GRID2: variants seen among roughly 807,000 people sequenced by gnomAD.
GRID2 encodes the protein glutamate ionotropic receptor delta type subunit 2, also known as glutamate receptor ionotropic, delta-2.
GRID2 carries 33 observed loss-of-function variants against 114.8 expected under a neutral mutation model. The observed-to-expected ratio is 0.29, with a 90% confidence interval of 0.22 to 0.38. The LOEUF (loss-of-function observed/expected upper bound fraction) is 0.38. Ranked by LOEUF, GRID2 falls within the 10% of genes least tolerant of loss-of-function variation. GRID2 has a pLI of 1.00. For synonymous variants in GRID2, 505 were observed against 449.9 expected, an observed-to-expected ratio of 1.12 and a Z score of -1.55; for missense variants, 1,184 against 1,257.7, an observed-to-expected ratio of 0.94 and a Z score of 0.89.
intron 2 of GRID2, among the ~76,000 whole-genome samples, chr4:93,051,895 C>T (rs1196588178): frequency 6.6e-6 from 1 of 151,486 alleles, no homozygotes; most frequent in East Asian, 1.9e-4. Context: ...TTTTCTATCT[C>T]ATTATTTTGT....
At chr4:92,776,577 TA>T (rs1738808189) in intron 2 of GRID2, among the ~76,000 whole-genome samples, 1 of 151,962 alleles carries the variant, frequency 6.6e-6, no homozygotes, top group Admixed American at 6.6e-5. Context: ...TCAATTAGAT[TA>T]TTTTTTGACT....
chr4:92,500,866 A>G (rs1417465077), intron 1 of GRID2, among the ~76,000 whole-genome samples: 1 of 152,106 alleles, frequency 6.6e-6, no homozygotes, highest in African/African-American at 2.4e-5. Context: ...TTAAGTGAGT[A>G]TTGCATTTAA....
intron 1 of GRID2, among the ~76,000 whole-genome samples, chr4:92,333,699 T>C (rs760400636): frequency 6.6e-6 from 1 of 152,194 alleles, no homozygotes; most frequent in African/African-American, 2.4e-5. Flanking sequence ...GTATTTTGTT[T>C]AGAAGTTTAT....
intron 14 of GRID2, among the ~76,000 whole-genome samples, chr4:93,722,347 A>C (rs942103815): frequency 6.6e-6 from 1 of 152,200 alleles, no homozygotes; most frequent in Non-Finnish European, 1.5e-5. Flanking sequence ...GAATCAAGGA[A>C]ATTATTCAGA....
At chr4:92,488,783 C>T (rs904229651) in intron 1 of GRID2, among the ~76,000 whole-genome samples, 4 of 152,086 alleles carry the variant, frequency 2.6e-5, no homozygotes, top group Non-Finnish European at 5.9e-5. Flanking sequence ...GTCTGATAAT[C>T]CTGGGGAAAG....
At chr4:92,977,191 A>T (rs778069608) in intron 2 of GRID2, among the ~76,000 whole-genome samples, 7 of 152,182 alleles carry the variant, frequency 4.6e-5, no homozygotes, top group Non-Finnish European at 1.0e-4. Flanking sequence ...GAAGCTAACA[A>T]GGTAATTTGT....
intron 2 of GRID2, among the ~76,000 whole-genome samples, chr4:92,898,083 A>G (rs1173951469): frequency 2.0e-5 from 3 of 152,154 alleles, no homozygotes; most frequent in Non-Finnish European, 4.4e-5. Context: ...ACAAGTTCAA[A>G]CCCACACAAT....
In GRID2 at chr4:92,744,563, C is replaced by A. The variant is rs1374386221; in HGVS notation, c.244+154277C>A. ...TGTGACTCCATCATAAACCTTACTC[C>A]AACTCTTTTCAACCTCCTCCACTAC... On this transcript the variant is annotated intron_variant, in intron 2 of 15. Transcript: ENST00000282020. Among the ~76,000 whole-genome samples, 5 of 151,830 alleles carry A rather than the reference C, an allele frequency of 3.3e-5. No homozygotes were observed. In the East Asian group the frequency reaches 9.7e-4, roughly 29 times the overall value.
intron 2 of GRID2, among the ~76,000 whole-genome samples, chr4:92,917,810 T>C (rs906021635): frequency 1.3e-5 from 2 of 152,174 alleles, no homozygotes; most frequent in Admixed American, 6.5e-5. Flanking sequence ...TTCTTTTGGC[T>C]TAGGATTGAC....
chr4:92,720,190 A>G (rs959659180), intron 2 of GRID2, among the ~76,000 whole-genome samples: 1 of 152,072 alleles, frequency 6.6e-6, no homozygotes, highest in Non-Finnish European at 1.5e-5. Flanking sequence ...TAAGAACAAA[A>G]GATGTTCTGG....
chr4:93,775,969 AC>A (rs1432628678), downstream of GRID2, among the ~76,000 whole-genome samples: 1 of 152,194 alleles, frequency 6.6e-6, no homozygotes, highest in Non-Finnish European at 1.5e-5. Context: ...AGATCCATTT[AC>A]CCTGCATGAT....
At chr4:92,409,713 T>C (rs1731205561) in intron 1 of GRID2, among the ~76,000 whole-genome samples, 1 of 152,188 alleles carries the variant, frequency 6.6e-6, no homozygotes, top group Admixed American at 6.5e-5. Context: ...AAAATAAATA[T>C]AGTTGATCCA....
At chr4:92,619,497 G>T (rs577980430) in intron 2 of GRID2, among the ~76,000 whole-genome samples, 2 of 151,690 alleles carry the variant, frequency 1.3e-5, no homozygotes, top group Admixed American at 6.6e-5. Context: ...GCAACCTCAG[G>T]TTTGTTGAGA....
chr4:93,591,886 T>G (rs1314690678), intron 13 of GRID2, among the ~76,000 whole-genome samples: 1 of 152,226 alleles, frequency 6.6e-6, no homozygotes, highest in Non-Finnish European at 1.5e-5. Flanking sequence ...TGTATTTCTG[T>G]GGGATCGGTG....
intron 8 of GRID2, among the ~76,000 whole-genome samples, chr4:93,266,709 A>G (rs975483099): frequency 1.8e-4 from 28 of 152,100 alleles, no homozygotes; most frequent in African/African-American, 6.8e-4. Context: ...ATCAACTGGA[A>G]TCCTTTTCCA....
intron 2 of GRID2, among the ~76,000 whole-genome samples, chr4:93,075,346 C>T (rs1346960590): frequency 6.6e-6 from 1 of 152,000 alleles, no homozygotes; most frequent in African/African-American, 2.4e-5. Flanking sequence ...GAGCATAGTC[C>T]AAAAACCTTC....
chr4:92,868,842 A>C (rs1745081524), intron 2 of GRID2, among the ~76,000 whole-genome samples: 1 of 152,144 alleles, frequency 6.6e-6, no homozygotes, highest in African/African-American at 2.4e-5. Flanking sequence ...ATTTATCAAG[A>C]GTAATATTGC....
intron 2 of GRID2, among the ~76,000 whole-genome samples, chr4:92,865,699 G>T (rs1406852488): frequency 1.3e-5 from 2 of 152,162 alleles, no homozygotes; most frequent in Non-Finnish European, 2.9e-5. Context: ...AAGATCCCGT[G>T]TGTTTTTCAA....
intron 2 of GRID2, among the ~76,000 whole-genome samples, chr4:92,611,088 ATATATGTGTGTGTG>A (rs1334597734): frequency 5.9e-5 from 8 of 136,028 alleles, no homozygotes; most frequent in East Asian, 2.4e-4. Flanking sequence ...ATGTGTGTAT[ATATATGTGTGTGTG>A]TATATGTGTG....
Sources: allele counts gnomAD v4.1 joint callset (sites outside exome capture counted in the v4.1 genomes callset), GRCh38; gene constraint gnomAD v4.1.1; transcripts MANE v1.5; gene names NCBI Gene and HGNC (gene_info 2026-07-23, HGNC 2026-07-21).